M1AP: variants seen among roughly 807,000 people sequenced by gnomAD.
M1AP encodes the protein meiosis 1 associated protein.
Under a neutral mutation model 51.2 loss-of-function variants are expected in M1AP, and 39 were observed. That is an observed-to-expected ratio of 0.76 (90% confidence interval 0.59 to 1.00). The LOEUF is 1.00. Ranked by LOEUF, M1AP falls within the 50% of genes least tolerant of loss-of-function variation. The pLI is 0.00. For synonymous variants in M1AP, 251 were observed against 249.2 expected, an observed-to-expected ratio of 1.01 and a Z score of -0.07; for missense variants, 545 against 641.2, an observed-to-expected ratio of 0.85 and a Z score of 1.62.
chr2:74,615,476 T>C, intron 2 of M1AP: 2 of 291,896 alleles, frequency 6.9e-6, no homozygotes, highest in South Asian at 8.3e-5. Flanking sequence ...ACCTGCAAAC[T>C]GGAGGCCAGA....
intron 4 of M1AP, among the ~76,000 whole-genome samples, chr2:74,583,612 G>GA (rs1679541380): frequency 6.6e-6 from 1 of 152,152 alleles, no homozygotes; most frequent in South Asian, 2.1e-4. Context: ...CATCAGGAGG[G>GA]ATCTCTGAAA....
chr2:74,576,717 G>T (rs1679098127), intron 5 of M1AP, 99 bp from the exon 6 acceptor site: 2 of 1,373,632 alleles, frequency 1.5e-6, no homozygotes, highest in Admixed American at 4.0e-5. Context: ...GACAACATCT[G>T]CTACCCATTC....
Position 74,562,242 on chromosome 2 carries a change from T to C in M1AP, c.1256A>G (p.His419Arg). The C allele has an allele frequency of 6.2e-7, 1 of 1,613,664 alleles. No homozygotes were observed. The highest frequency in any genetic ancestry group is 8.5e-7 in the Non-Finnish European group (1 of 1,179,672). Reference protein sequence around the residue: ...STFPLLPEDPHDDSLKNVESM... With the variant: ...STFPLLPEDPRDDSLKNVESM... ...CTCCACATTCTTAAGGCTATCATCA[T>C]GTGGGTCCTCAGGTAGCAGGGGGAA... Residue 419 changes from histidine (H) to arginine (R), a missense_variant, in exon 8 of 11, where the codon CAT (histidine) becomes CGT (arginine). Physicochemically the swap from His to Arg is conservative, Grantham distance 29. Coordinates refer to ENST00000421985, the MANE Select transcript of M1AP (RefSeq NM_001321739.2).
At chr2:74,615,276 C>T (rs1359857764) in intron 2 of M1AP, 127 bp from the exon 3 acceptor site, 4 of 805,634 alleles carry the variant, frequency 5.0e-6, no homozygotes, top group Admixed American at 5.0e-5. Context: ...ATTTGACCAA[C>T]ATCTACTGAA....
chr2:74,584,448 CAAAAAAA>C lies in M1AP; in HGVS notation c.596-2608_596-2602del, dbSNP rs772920948. Among the ~76,000 whole-genome samples, 46 of 73,596 alleles carry C rather than the reference CAAAAAAA, an allele frequency of 6.3e-4. No homozygotes were observed. The East Asian group carries it at 9.4e-3, about 15-fold the overall frequency. 48.3% of individuals were successfully genotyped at this position (73,596 alleles called of 152,430 possible). On this transcript the variant is annotated intron_variant, in intron 4 of 10. Coordinates refer to ENST00000421985, the MANE Select transcript of M1AP (RefSeq NM_001321739.2). ...ACATAGTGAGACACTGTCTCAGTTG[CAAAAAAA>C]AAAAAAAAAAGAAAAAGAAACAGAA...
rs1301133291 is a variant in M1AP at position 74,648,285 on chromosome 2, C to T, written c.-73G>A. 1 of 985,210 alleles carries T rather than the reference C, an allele frequency of 1.0e-6. No homozygotes were observed. The highest frequency in any genetic ancestry group is 1.2e-6 in the Non-Finnish European group (1 of 829,718). The allele number at this position is 985,210 out of a possible 1,614,324, so 61.0% of individuals were successfully genotyped here. On this transcript the variant is annotated 5_prime_UTR_variant, in exon 1 of 11. Transcript: ENST00000421985. ...CGTACCTGTCTTCGGAAGACGGAGG[C>T]CCCCTCACCTGGTCCTCCCGGCTCT...
chr2:74,643,594 T>C (rs2104856691), intron 1 of M1AP, among the ~76,000 whole-genome samples: 2 of 149,616 alleles, frequency 1.3e-5, no homozygotes, highest in Admixed American at 1.3e-4. Context: ...AATGTTCTTT[T>C]TTTTTTTTTT....
intron 7 of M1AP, among the ~76,000 whole-genome samples, chr2:74,570,101 A>G (rs2104541880): frequency 6.6e-6 from 1 of 152,252 alleles, no homozygotes; most frequent in African/African-American, 2.4e-5. Flanking sequence ...CATATATGCC[A>G]TTTGTGCAGA....
intron 4 of M1AP, among the ~76,000 whole-genome samples, chr2:74,585,670 G>C (rs1483793673): frequency 6.6e-6 from 1 of 152,234 alleles, no homozygotes; most frequent in Non-Finnish European, 1.5e-5. Context: ...TGTCGGGTTT[G>C]AGCTTTCAGT....
At chr2:74,570,336 A>G (rs1475254568) in intron 7 of M1AP, among the ~76,000 whole-genome samples, 1 of 152,158 alleles carries the variant, frequency 6.6e-6, no homozygotes, top group East Asian at 1.9e-4. Flanking sequence ...ACTCCTCCAA[A>G]AAGAGAAGTA....
At chr2:74,645,382 A>G (rs951651312) in intron 1 of M1AP, among the ~76,000 whole-genome samples, 3 of 152,210 alleles carry the variant, frequency 2.0e-5, no homozygotes, top group Non-Finnish European at 4.4e-5. Flanking sequence ...TTCTGGACAC[A>G]GTATTGCTGG....
intron 1 of M1AP, among the ~76,000 whole-genome samples, chr2:74,643,936 T>C (rs1186152010): frequency 6.6e-6 from 1 of 152,172 alleles, no homozygotes; most frequent in Non-Finnish European, 1.5e-5. Context: ...ATATTGGGTA[T>C]TCACTTTCTA....
intron 2 of M1AP, chr2:74,628,288 C>T: frequency 6.7e-6 from 2 of 300,016 alleles, no homozygotes; most frequent in Non-Finnish European, 6.9e-6. Context: ...TCAGTTGTTC[C>T]CCAATGTAAC....
chr2:74,615,089 T>C lies in M1AP; in HGVS notation c.301A>G (p.Arg101Gly), dbSNP rs1159849423. The change falls in exon 3 of 11, where the codon AGA (arginine) becomes GGA (glycine). Residue 101 changes from arginine to glycine, a missense_variant. By Grantham distance (125) the Arg-to-Gly change is moderately radical (BLOSUM62 -2). Transcript: ENST00000421985. ...TCISELRMLQ[R>G]EGCFRSQGAS... ...CCTTGTGATCTGAAACACCCTTCTC[T>C]CTGTAACATGCGGAGTTCTGAGATG... The C allele has an allele frequency of 1.2e-6, 2 of 1,614,042 alleles. No individual in the cohort carries two copies. The highest frequency in any genetic ancestry group is 1.7e-6 in the Non-Finnish European group (2 of 1,180,024).
intron 2 of M1AP, chr2:74,628,696 T>A (rs1192889891): frequency 3.0e-6 from 2 of 677,304 alleles, no homozygotes; most frequent in African/African-American, 3.6e-5. Flanking sequence ...AGTCTACCTG[T>A]GATATTCTTT....
At chr2:74,580,563 A>G (rs565333334) in intron 5 of M1AP, among the ~76,000 whole-genome samples, 1 of 152,348 alleles carries the variant, frequency 6.6e-6, no homozygotes, top group African/African-American at 2.4e-5. Context: ...AATCCTGTGT[A>G]GTAACACCTC....
Position 74,566,381 on chromosome 2 carries a change from C to T in M1AP, c.1075-3958G>A, listed in dbSNP as rs147636041. 5.3e-5 allele frequency among the ~76,000 whole-genome samples: 8 copies of T among 151,950 alleles called. No homozygotes were observed. In the East Asian group the frequency reaches 7.7e-4, roughly 15 times the overall value. On this transcript the variant is annotated intron_variant, in intron 7 of 10. Coordinates refer to ENST00000421985, the MANE Select transcript of M1AP (RefSeq NM_001321739.2). The stretch of plus-strand genomic sequence containing the variant: ...GGTGGAGGCAAGAAAGGCTTCATAC[C>T]GAAATTATTTAAGCAGGATCTGGAA...
At chr2:74,567,612 A>G (rs1219490417) in intron 7 of M1AP, among the ~76,000 whole-genome samples, 1 of 152,254 alleles carries the variant, frequency 6.6e-6, no homozygotes, top group East Asian at 1.9e-4. Flanking sequence ...GAACTGTGTC[A>G]GGTACATGGT....
intron 3 of M1AP, among the ~76,000 whole-genome samples, chr2:74,607,926 G>T (rs1055846183): frequency 1.3e-5 from 2 of 152,106 alleles, no homozygotes; most frequent in Non-Finnish European, 2.9e-5. Context: ...TATTTTAAAA[G>T]ACATTATTTT....
Sources: allele counts gnomAD v4.1 joint callset (sites outside exome capture counted in the v4.1 genomes callset), GRCh38; gene constraint gnomAD v4.1.1; transcripts MANE v1.5; gene names NCBI Gene and HGNC (gene_info 2026-07-23, HGNC 2026-07-21).